The following ZWILCH variants were observed in gnomAD, a reference collection of about 807,000 sequenced individuals.
ZWILCH encodes the protein zwilch kinetochore protein.
Under a neutral mutation model 79.9 loss-of-function variants are expected in ZWILCH, and 74 were observed. The observed-to-expected ratio is 0.93, with a 90% CI of 0.77 to 1.12. ZWILCH has a LOEUF of 1.12. Ranked by LOEUF, ZWILCH falls within the 50% of genes most tolerant of loss-of-function variation. ZWILCH has a pLI of 0.00. For synonymous variants in ZWILCH, 241 were observed against 228.2 expected (o/e 1.06, Z -0.51); for missense variants, 694 against 687.5 (o/e 1.01, Z -0.11).
rs539656252 is a variant in ZWILCH, at chr15:66,535,922, T to C, written c.1342-11T>C. 5.1e-4 allele frequency: 816 copies of C among 1,591,250 alleles called. 16 individuals are homozygous for C. The South Asian group carries it at 8.7e-3, about 17-fold the overall frequency. On this transcript the variant is annotated splice_polypyrimidine_tract_variant and intron_variant, in intron 14 of 18. Transcript: ENST00000307897. ...TTAAATCTCTATTTTGCTTATATTT[T>C]TTCATTCCAGGAATACTTCATTGCT...
In ZWILCH at chr15:66,546,591, A is replaced by AT; in HGVS notation, c.1693dup (p.Ser565PhefsTer8). On this transcript the variant is annotated frameshift_variant and splice_region_variant, in exon 18 of 19. Coordinates refer to ENST00000307897, the MANE Select transcript of ZWILCH (RefSeq NM_017975.5). LOFTEE classifies it high-confidence loss of function. ...GATCTCACTCTCTTTTTGATTACAG[A>AT]TTTTTCGGAATTAACACTAAACGGT... 3.7e-6 allele frequency: 6 copies of AT among 1,601,734 alleles called. No individual in the cohort carries two copies. The highest frequency in any genetic ancestry group is 5.1e-6 in the Non-Finnish European group (6 of 1,174,150).
intron 5 of ZWILCH, among the ~76,000 whole-genome samples, chr15:66,520,235 C>T (rs747524687): frequency 2.0e-5 from 3 of 152,142 alleles, no homozygotes; most frequent in Non-Finnish European, 4.4e-5. Context: ...ATCCTCTCAC[C>T]GCAGCCTCCC....
At chr15:66,522,438 A>G (rs1894532793) in intron 7 of ZWILCH, among the ~76,000 whole-genome samples, 2 of 150,872 alleles carry the variant, frequency 1.3e-5, no homozygotes, top group Admixed American at 6.6e-5. Flanking sequence ...CCCGGGTTCA[A>G]GCAGTTCTCC....
chr15:66,515,773 T>C lies in ZWILCH; in HGVS notation c.320+129T>C. The C allele has an allele frequency of 5.6e-6, 4 of 709,028 alleles. No homozygotes were observed. The South Asian group carries it at 6.3e-5, about 11-fold the overall frequency. 43.9% of individuals were successfully genotyped at this position (709,028 alleles called of 1,614,324 possible). On this transcript the variant is annotated intron_variant, in intron 4 of 18. Transcript: ENST00000307897. ...CATCTCCCCCACCCCCTGATAAGTATACCCAACTAAGGATAGTTCTACTTG... is the reference window on the plus strand; with the variant it reads ...CATCTCCCCCACCCCCTGATAAGTACACCCAACTAAGGATAGTTCTACTTG...
At chr15:66,517,417 C>CGT (rs141565295) in intron 4 of ZWILCH, among the ~76,000 whole-genome samples, 1,303 of 80,816 alleles carry the variant, frequency 0.016, 65 homozygotes, top group South Asian at 0.064. Context: ...TTTGTGTGTG[C>CGT]GTGTGTGTGT....
At chr15:66,520,170 G>T (rs558599912) in intron 5 of ZWILCH, among the ~76,000 whole-genome samples, 3 of 151,902 alleles carry the variant, frequency 2.0e-5, no homozygotes, top group Non-Finnish European at 4.4e-5. Flanking sequence ...ACCCAGGCTG[G>T]AGTGCAGTGG....
chr15:66,539,198 G>A (rs111821780), intron 16 of ZWILCH, among the ~76,000 whole-genome samples: 21 of 151,658 alleles, frequency 1.4e-4, no homozygotes, highest in Non-Finnish European at 2.4e-4. Context: ...CCTTTAAATG[G>A]TTACCGATAG....
rs748790668 is a variant in ZWILCH at position 66,540,214 on chromosome 15, A to G, written c.1687+4A>G. Reference sequence around the variant, plus strand: ...CATCTGAATTTTCACAAACCTGGTAAAGATGGTTTATAATCTGTTCAGATA... The same window carrying G: ...CATCTGAATTTTCACAAACCTGGTAGAGATGGTTTATAATCTGTTCAGATA... On this transcript the variant is annotated splice_donor_region_variant and intron_variant, in intron 17 of 18. Coordinates refer to ENST00000307897, the MANE Select transcript of ZWILCH (RefSeq NM_017975.5). 4.4e-6 allele frequency: 7 copies of G among 1,595,372 alleles called. No homozygotes were observed. The highest frequency in any genetic ancestry group is 6.0e-6 in the Non-Finnish European group (7 of 1,164,784).
chr15:66,534,689 C>T (rs956156071), intron 14 of ZWILCH, among the ~76,000 whole-genome samples: 19 of 152,026 alleles, frequency 1.2e-4, no homozygotes, highest in African/African-American at 3.9e-4. Flanking sequence ...AAGATAAAAA[C>T]GTGGATACCT....
intron 15 of ZWILCH, 141 bp downstream of exon 15, chr15:66,536,210 C>A: frequency 1.5e-6 from 1 of 651,014 alleles, no homozygotes; most frequent in Non-Finnish European, 2.3e-6. Flanking sequence ...GAGTCTAAGT[C>A]AGTGCCATAG....
At chr15:66,540,667 C>T (rs1363502076) in intron 17 of ZWILCH, among the ~76,000 whole-genome samples, 1 of 149,750 alleles carries the variant, frequency 6.7e-6, no homozygotes, top group Non-Finnish European at 1.5e-5. Context: ...CTCCCCCTGT[C>T]GCCCAGGCTG....
intron 2 of ZWILCH, among the ~76,000 whole-genome samples, chr15:66,509,111 T>C (rs1055762977): frequency 6.6e-6 from 1 of 152,056 alleles, no homozygotes; most frequent in South Asian, 2.1e-4. Context: ...GACTAATTTA[T>C]TTGTATTTTT....
At chr15:66,532,190 T>C in intron 12 of ZWILCH, 57 bp from the exon 13 acceptor site, 1 of 1,359,496 alleles carries the variant, frequency 7.4e-7, no homozygotes. Context: ...TCTCTTTTAC[T>C]TGTTGGGTTT....
intron 4 of ZWILCH, among the ~76,000 whole-genome samples, chr15:66,517,430 G>GTGTGTATATATATATATATATATATA: frequency 1.5e-5 from 1 of 66,526 alleles, no homozygotes; most frequent in African/African-American, 6.1e-5. Context: ...GTGTGTGTGT[G>GTGTGTATATATATATATATATATATA]TATATATATA....
chr15:66,516,527 T>C (rs1371761767), intron 4 of ZWILCH, among the ~76,000 whole-genome samples: 1 of 152,002 alleles, frequency 6.6e-6, no homozygotes, highest in East Asian at 1.9e-4. Context: ...TTCTTTGATA[T>C]GGCATTTTGC....
intron 2 of ZWILCH, 134 bp from the exon 3 acceptor site, chr15:66,513,853 GA>G (rs2140747139): frequency 1.9e-6 from 1 of 513,532 alleles, no homozygotes; most frequent in Non-Finnish European, 3.3e-6. Context: ...TTACAGGCGT[GA>G]GCCACCGTGC....
chr15:66,525,263 G>T (rs1213084766), intron 8 of ZWILCH, among the ~76,000 whole-genome samples: 1 of 152,178 alleles, frequency 6.6e-6, no homozygotes, highest in Admixed American at 6.5e-5. Context: ...GTGCTGGCTG[G>T]TTCAGTTATT....
At chr15:66,536,553 G>A (rs1895021586) in intron 15 of ZWILCH, among the ~76,000 whole-genome samples, 1 of 152,124 alleles carries the variant, frequency 6.6e-6, no homozygotes, top group Non-Finnish European at 1.5e-5. Context: ...TCTCAGACAC[G>A]GACTGCTGGT....
At position 66,517,455 on chromosome 15, in the gene ZWILCH, T is replaced by TATATATATATATATATATATATAG. The variant is rs1180456312; in HGVS notation, c.321-1423_321-1422insTATATATATATATATATATATAGA. The stretch of plus-strand genomic sequence containing the variant: ...GTATATATATATATATATATATATA[T>TATATATATATATATATATATATAG]AGTAATGTACACACATACACCATTT... On this transcript the variant is annotated intron_variant, in intron 4 of 18. Transcript: ENST00000307897. Among the ~76,000 whole-genome samples, 338 of 114,606 alleles carry TATATATATATATATATATATATAG rather than the reference T, an allele frequency of 2.9e-3. 4 individuals are homozygous for TATATATATATATATATATATATAG. Among genetic ancestry groups the TATATATATATATATATATATATAG allele is most frequent in the Non-Finnish European group, 4.1e-3 (217 of 52,666 alleles). The allele number at this position is 114,606 out of a possible 152,430, so 75.2% of individuals were successfully genotyped here. A position where few individuals can be genotyped will look rare whatever the true frequency, so the allele number is the denominator to read the frequency against.
Sources: allele counts gnomAD v4.1 joint callset (sites outside exome capture counted in the v4.1 genomes callset), GRCh38; gene constraint gnomAD v4.1.1; transcripts MANE v1.5; gene names NCBI Gene and HGNC (gene_info 2026-07-23, HGNC 2026-07-21).